The following DLGAP1 variants were observed in gnomAD, a reference collection of about 807,000 sequenced individuals.
The protein encoded by DLGAP1 is DLG associated protein 1, also known as disks large-associated protein 1.
In DLGAP1, 11 loss-of-function variants were observed where a neutral mutation model predicts 90.8. The ratio of observed to expected loss-of-function variants is 0.12; its 90% CI spans 0.08 to 0.20. The LOEUF is 0.20. DLGAP1 is among the 10% of genes least tolerant of loss of function. The probability of loss-of-function intolerance (pLI) is 1.00; values close to 1 mark genes in which losing one functional copy is unlikely to be tolerated. For missense variants in DLGAP1, 1,050 were observed against 1,333.8 expected (o/e 0.79, Z 3.31); for synonymous variants, 558 against 540.7 (o/e 1.03, Z -0.44).
intron 7 of DLGAP1, among the ~76,000 whole-genome samples, chr18:3,668,897 T>C (rs1344149203): frequency 6.6e-6 from 1 of 151,888 alleles, no homozygotes; most frequent in African/African-American, 2.4e-5. Flanking sequence ...AGGTAGGAGA[T>C]CGTTTGAACC....
chr18:4,416,869 C>T (rs1222650633), intron 1 of DLGAP1, among the ~76,000 whole-genome samples: 2 of 152,170 alleles, frequency 1.3e-5, no homozygotes, highest in African/African-American at 4.8e-5. Flanking sequence ...TTCACTTTCA[C>T]TCTTTTATTT....
rs149802955 is a variant in DLGAP1 at position 4,131,327 on chromosome 18, A to G, written c.-159+19853T>C. Among the ~76,000 whole-genome samples, 20 of 152,326 alleles carry G rather than the reference A, an allele frequency of 1.3e-4. No individual in the cohort carries two copies. The East Asian group carries it at 3.9e-3, about 29-fold the overall frequency. ...GGCCATCACAATCATTTTATTCCAC[A>G]TGACAAATGGAATAAGAAATAGTGA... is the stretch of plus-strand genomic sequence containing the variant. On this transcript the variant is annotated intron_variant, in intron 2 of 12. Transcript: ENST00000315677.
chr18:4,021,331 A>G (rs2074604933), intron 2 of DLGAP1, among the ~76,000 whole-genome samples: 1 of 152,128 alleles, frequency 6.6e-6, no homozygotes, highest in South Asian at 2.1e-4. Context: ...TGTGCTCAAC[A>G]CAGTGAGTGA....
chr18:4,179,281 G>A (rs2077167983), intron 1 of DLGAP1, among the ~76,000 whole-genome samples: 1 of 152,068 alleles, frequency 6.6e-6, no homozygotes, highest in African/African-American at 2.4e-5. Context: ...AATCATCTGA[G>A]GGTGCCCTGC....
chr18:4,313,825 AAATT>A (rs1412236881), intron 1 of DLGAP1, among the ~76,000 whole-genome samples: 2 of 152,222 alleles, frequency 1.3e-5, no homozygotes, highest in Non-Finnish European at 2.9e-5. Context: ...ATGAATAAAT[AAATT>A]GTTAACAAAG....
intron 2 of DLGAP1, among the ~76,000 whole-genome samples, chr18:4,125,160 G>T (rs2076213357): frequency 6.6e-6 from 1 of 152,192 alleles, no homozygotes; most frequent in Non-Finnish European, 1.5e-5. Flanking sequence ...ATTATGCCAG[G>T]CACTGGGAGG....
chr18:4,044,864 G>A (rs1165093467), intron 2 of DLGAP1, among the ~76,000 whole-genome samples: 1 of 152,084 alleles, frequency 6.6e-6, no homozygotes, highest in Non-Finnish European at 1.5e-5. Context: ...CAGTGTTGAA[G>A]GTGCGGCCTG....
intron 1 of DLGAP1, among the ~76,000 whole-genome samples, chr18:4,434,855 G>A (rs553656178): frequency 4.6e-5 from 7 of 152,270 alleles, no homozygotes; most frequent in African/African-American, 1.7e-4. Flanking sequence ...AAATAAGAGC[G>A]GGAAGACAGA....
intron 3 of DLGAP1, chr18:3,978,455 C>A: frequency 3.5e-6 from 1 of 283,624 alleles, no homozygotes; most frequent in Non-Finnish European, 7.0e-6. Context: ...GTGGAATTAG[C>A]CATGGGTGGA....
At chr18:3,895,479 A>G (rs1234249030) in intron 3 of DLGAP1, among the ~76,000 whole-genome samples, 1 of 152,192 alleles carries the variant, frequency 6.6e-6, no homozygotes, top group Non-Finnish European at 1.5e-5. Flanking sequence ...GACTGTGACA[A>G]TGGTTCTCAA....
intron 1 of DLGAP1, among the ~76,000 whole-genome samples, chr18:4,347,925 A>ATAT (rs55995685): frequency 0.89 from 134,922 of 151,910 alleles, 61,685 homozygotes; most frequent in Non-Finnish European, 1. Flanking sequence ...ATAATAATTA[A>ATAT]TGTTAATTCC....
intron 4 of DLGAP1, among the ~76,000 whole-genome samples, chr18:3,820,160 C>T (rs983538058): frequency 1.3e-5 from 2 of 152,126 alleles, no homozygotes; most frequent in African/African-American, 4.8e-5. Flanking sequence ...TGGGAAGTTG[C>T]ATGGTGAGGT....
At chr18:3,698,450 AG>A (rs1015195408) in intron 7 of DLGAP1, among the ~76,000 whole-genome samples, 2 of 152,194 alleles carry the variant, frequency 1.3e-5, no homozygotes, top group African/African-American at 4.8e-5. Flanking sequence ...TAAGAAGCTT[AG>A]TTTGGCTGGA....
chr18:4,219,218 C>G (rs1237090110), intron 1 of DLGAP1, among the ~76,000 whole-genome samples: 1 of 151,692 alleles, frequency 6.6e-6, no homozygotes, highest in East Asian at 1.9e-4. Context: ...TTGCGTTTCT[C>G]TAATGATTAG....
chr18:3,797,841 T>G (rs377579627), intron 5 of DLGAP1, among the ~76,000 whole-genome samples: 29 of 152,318 alleles, frequency 1.9e-4, no homozygotes, highest in Middle Eastern at 3.4e-3. Context: ...TCTTGAATAG[T>G]AGCTCCCATA....
intron 1 of DLGAP1, among the ~76,000 whole-genome samples, chr18:4,409,372 A>C (rs2082729232): frequency 6.6e-6 from 1 of 152,210 alleles, no homozygotes; most frequent in African/African-American, 2.4e-5. Context: ...GTAAGCAGTA[A>C]TATGCTATCT....
intron 1 of DLGAP1, among the ~76,000 whole-genome samples, chr18:4,313,028 C>A (rs1465181276): frequency 6.6e-6 from 1 of 152,134 alleles, no homozygotes; most frequent in African/African-American, 2.4e-5. Flanking sequence ...TTAAGAGTAG[C>A]AGAAAGTGAC....
At chr18:4,150,081 T>C (rs1031810619) in intron 2 of DLGAP1, among the ~76,000 whole-genome samples, 2 of 152,226 alleles carry the variant, frequency 1.3e-5, no homozygotes, top group Non-Finnish European at 2.9e-5. Flanking sequence ...AGTGGTAGAC[T>C]TGCTAACCCA....
intron 3 of DLGAP1, among the ~76,000 whole-genome samples, chr18:3,960,766 G>A (rs2073181659): frequency 6.6e-6 from 1 of 152,202 alleles, no homozygotes; most frequent in Non-Finnish European, 1.5e-5. Flanking sequence ...CTCTAGCCTT[G>A]CTCCCTGCAG....
Sources: gnomAD v4.1 joint callset for allele counts (sites outside exome capture counted in the v4.1 genomes callset) on GRCh38, gnomAD v4.1.1 for gene constraint, MANE v1.5 for transcripts, NCBI Gene and HGNC (gene_info 2026-07-23, HGNC 2026-07-21) for gene names.